Variants in SERPINA12 observed in about 807,000 individuals in gnomAD.
SERPINA12 encodes serpin A12.
A neutral mutation model predicts 25.9 loss-of-function variants in SERPINA12; 21 were observed. The observed-to-expected ratio is 0.81, with a 90% CI of 0.58 to 1.17. The LOEUF is 1.17. Ranked by LOEUF, SERPINA12 falls within the 50% of genes most tolerant of loss-of-function variation. The pLI is 0.00. For missense variants in SERPINA12, 562 were observed against 508.3 expected (o/e 1.11, Z -1.02); for synonymous variants, 220 against 196.0 (o/e 1.12, Z -1.02).
intron 3 of SERPINA12, among the ~76,000 whole-genome samples, chr14:94,495,245 T>C (rs1466917566): frequency 6.6e-6 from 1 of 151,380 alleles, no homozygotes; most frequent in Non-Finnish European, 1.5e-5. Flanking sequence ...ATTTTTTGTA[T>C]TTTTAGTAGA....
chr14:94,509,685 A>G (rs988851820), upstream of SERPINA12, among the ~76,000 whole-genome samples: 2 of 152,146 alleles, frequency 1.3e-5, no homozygotes, highest in Admixed American at 6.5e-5. Context: ...CATCCCAAAT[A>G]GCAAGGGGCA....
intron 1 of SERPINA12, among the ~76,000 whole-genome samples, chr14:94,505,699 G>A (rs976239440): frequency 6.6e-6 from 1 of 152,212 alleles, no homozygotes; most frequent in Non-Finnish European, 1.5e-5. Flanking sequence ...GTGTGAGTCT[G>A]AGGGCCATGC....
upstream of SERPINA12, among the ~76,000 whole-genome samples, chr14:94,509,544 C>T (rs1225129819): frequency 6.6e-6 from 1 of 152,192 alleles, no homozygotes; most frequent in East Asian, 1.9e-4. Flanking sequence ...AAGCCTGCCT[C>T]TGCCACCTCC....
upstream of SERPINA12, among the ~76,000 whole-genome samples, chr14:94,513,463 A>G (rs1392297190): frequency 6.6e-6 from 1 of 152,202 alleles, no homozygotes; most frequent in Admixed American, 6.5e-5. Flanking sequence ...GAAAATCTGG[A>G]TTCAGGCTCC....
chr14:94,511,587 G>A (rs1278774999), upstream of SERPINA12: 3 of 985,384 alleles, frequency 3.0e-6, no homozygotes, highest in South Asian at 9.4e-5. Flanking sequence ...AACAGGAACC[G>A]ACACCACCTT....
chr14:94,505,953 A>G (rs961345319), intron 1 of SERPINA12, among the ~76,000 whole-genome samples: 4 of 152,112 alleles, frequency 2.6e-5, no homozygotes, highest in Non-Finnish European at 5.9e-5. Context: ...GCCCCGGAGG[A>G]GGTGCACGTC....
intron 1 of SERPINA12, among the ~76,000 whole-genome samples, chr14:94,499,117 TC>T (rs1900600453): frequency 6.6e-6 from 1 of 152,218 alleles, no homozygotes. Flanking sequence ...GGTAAATTTT[TC>T]CCCTTCAGCC....
chr14:94,496,940 G>A (rs1458011685), intron 2 of SERPINA12, among the ~76,000 whole-genome samples: 1 of 152,220 alleles, frequency 6.6e-6, no homozygotes, highest in African/African-American at 2.4e-5. Flanking sequence ...TGTCCTAACA[G>A]AGGGGACTGC....
chr14:94,516,325 A>T (rs908430853), intron 1 of SERPINA12, among the ~76,000 whole-genome samples: 7 of 152,220 alleles, frequency 4.6e-5, no homozygotes, highest in African/African-American at 1.7e-4. Context: ...GAGTTGGGGC[A>T]GAATGAGGCC....
At chr14:94,509,284 A>ACACACT (rs1179700917) in intron 1 of SERPINA12, among the ~76,000 whole-genome samples, 58 bp downstream of exon 1, 2 of 125,156 alleles carry the variant, frequency 1.6e-5, no homozygotes, top group East Asian at 4.6e-4. Flanking sequence ...CAGACAACAC[A>ACACACT]CACACACACA....
chr14:94,509,122 T>C (rs1321035991), intron 1 of SERPINA12, among the ~76,000 whole-genome samples: 1 of 152,146 alleles, frequency 6.6e-6, no homozygotes, highest in Non-Finnish European at 1.5e-5. Context: ...AATGAAAGCA[T>C]GGCCACAGCA....
At chr14:94,517,484 T>C (rs1488176923) in exon 1 of SERPINA12, 1 of 152,056 alleles carries the variant, frequency 6.6e-6, no homozygotes, top group Non-Finnish European at 1.5e-5. Flanking sequence ...TCAGAGGGAG[T>C]GATACTGATC....
intron 3 of SERPINA12, 94 bp downstream of exon 3, chr14:94,496,279 A>C: frequency 8.1e-7 from 1 of 1,228,842 alleles, no homozygotes; most frequent in Non-Finnish European, 1.2e-6. Flanking sequence ...AGAGCCCAGA[A>C]GAGGACTTGG....
At chr14:94,500,433 G>A (rs1232352529) in intron 1 of SERPINA12, among the ~76,000 whole-genome samples, 1 of 152,108 alleles carries the variant, frequency 6.6e-6, no homozygotes, top group Non-Finnish European at 1.5e-5. Flanking sequence ...CAGCTCCAAG[G>A]GAGGGCCTGA....
intron 4 of SERPINA12, among the ~76,000 whole-genome samples, chr14:94,488,965 C>T (rs148129403): frequency 0.017 from 2,601 of 152,110 alleles, 86 homozygotes; most frequent in East Asian, 0.12. Flanking sequence ...GGCATGGTGG[C>T]GGGCGCCTGT....
chr14:94,503,123 T>C (rs1027907924), intron 1 of SERPINA12: 2 of 882,826 alleles, frequency 2.3e-6, no homozygotes, highest in Non-Finnish European at 2.7e-6. Flanking sequence ...GGACTGATAT[T>C]GCTTTAAGAA....
chr14:94,509,156 T>A (rs1317326556), intron 1 of SERPINA12, among the ~76,000 whole-genome samples, 186 bp downstream of exon 1: 1 of 152,128 alleles, frequency 6.6e-6, no homozygotes, highest in African/African-American at 2.4e-5. Flanking sequence ...CACAGACCCA[T>A]GGAACTCTTG....
chr14:94,501,630 A>T (rs1241055468), intron 1 of SERPINA12, among the ~76,000 whole-genome samples: 1 of 150,712 alleles, frequency 6.6e-6, no homozygotes, highest in Admixed American at 6.6e-5. Context: ...CCCCCATGAG[A>T]TACTGCTGAT....
chr14:94,500,097 G>T (rs1184718836), intron 1 of SERPINA12, among the ~76,000 whole-genome samples: 1 of 152,164 alleles, frequency 6.6e-6, no homozygotes, highest in Non-Finnish European at 1.5e-5. Flanking sequence ...GGCAGGGCCT[G>T]TACCTAGGAG....
Sources: gnomAD v4.1 joint callset for allele counts (sites outside exome capture counted in the v4.1 genomes callset) on GRCh38, gnomAD v4.1.1 for gene constraint, MANE v1.5 for transcripts, NCBI Gene and HGNC (gene_info 2026-07-23, HGNC 2026-07-21) for gene names.